The following KDM7A variants were observed in gnomAD, a reference collection of about 807,000 sequenced individuals.
KDM7A encodes the protein lysine-specific demethylase 7A.
In KDM7A, 28 loss-of-function variants were observed where a neutral mutation model predicts 114.8. The ratio of observed to expected loss-of-function variants is 0.24; its 90% CI spans 0.18 to 0.33. The LOEUF (loss-of-function observed/expected upper bound fraction) is 0.33. KDM7A is among the 10% of genes least tolerant of loss of function. The pLI is 1.00. For missense variants in KDM7A, 942 were observed against 1,142.5 expected (o/e 0.82, Z 2.53); for synonymous variants, 423 against 397.8 (o/e 1.06, Z -0.75).
At chr7:140,174,008 A>T (rs544737741) in intron 1 of KDM7A, among the ~76,000 whole-genome samples, 1 of 152,194 alleles carries the variant, frequency 6.6e-6, no homozygotes, top group South Asian at 2.1e-4. Flanking sequence ...TACTAAAAAT[A>T]CAAAAATTAG....
At chr7:140,109,753 A>ATG (rs1455172399) in intron 11 of KDM7A, among the ~76,000 whole-genome samples, 2 of 152,232 alleles carry the variant, frequency 1.3e-5, no homozygotes, top group Non-Finnish European at 2.9e-5. Flanking sequence ...AAACATGCAC[A>ATG]TACCTCCCTT....
At chr7:140,103,922 C>T (rs1156761789) in intron 11 of KDM7A, among the ~76,000 whole-genome samples, 1 of 152,214 alleles carries the variant, frequency 6.6e-6, no homozygotes, top group African/African-American at 2.4e-5. Context: ...TTTACAGTCA[C>T]AACAACAGTG....
intron 7 of KDM7A, among the ~76,000 whole-genome samples, chr7:140,122,794 T>A (rs1338291798): frequency 6.6e-6 from 1 of 152,242 alleles, no homozygotes; most frequent in Non-Finnish European, 1.5e-5. Flanking sequence ...CTGTCCTAAC[T>A]GTCCTGGGAC....
intron 10 of KDM7A, among the ~76,000 whole-genome samples, chr7:140,112,473 T>C (rs1818448786): frequency 6.6e-6 from 1 of 151,900 alleles, no homozygotes; most frequent in South Asian, 2.1e-4. Context: ...TAACTAGGCG[T>C]GGTGGTGCGT....
In KDM7A at chr7:140,115,316, C is replaced by T. The variant is rs549213563; in HGVS notation, c.1247-1734G>A. Among the ~76,000 whole-genome samples the T allele has an allele frequency of 4.3e-3, 653 of 152,310 alleles. 8 individuals are homozygous for T. The highest frequency in any genetic ancestry group is 0.014 in the African/African-American group (594 of 41,558). On this transcript the variant is annotated intron_variant, in intron 9 of 19. Transcript: ENST00000397560. ...GTGTAACCCAACAGCTCATTGAGATCGGGCCATGATGACAATGGCAGTTTT... is the reference window on the plus strand; with the variant it reads ...GTGTAACCCAACAGCTCATTGAGATTGGGCCATGATGACAATGGCAGTTTT...
intron 12 of KDM7A, 23 bp downstream of exon 12, chr7:140,101,928 T>C (rs768950731): frequency 1.3e-6 from 2 of 1,519,036 alleles, no homozygotes; most frequent in Non-Finnish European, 1.8e-6. Flanking sequence ...TTTCTTTTTG[T>C]TGTCATGAAA....
chr7:140,153,008 C>T (rs543118684), intron 1 of KDM7A, among the ~76,000 whole-genome samples: 138 of 151,782 alleles, frequency 9.1e-4, no homozygotes, highest in Middle Eastern at 6.9e-3. Flanking sequence ...TACAGGCACG[C>T]GCCACCACAC....
At position 140,119,125 on chromosome 7, in the gene KDM7A, C is replaced by A; in HGVS notation, c.1234G>T (p.Glu412Ter). 1.3e-6 allele frequency: 2 copies of A among 1,595,974 alleles called. No homozygotes were observed. The highest frequency in any genetic ancestry group is 8.6e-7 in the Non-Finnish European group (1 of 1,165,980). ...ICWFVAKNLLETLKELREDGF... is the reference protein window; with the variant it reads ...ICWFVAKNLL ...AATTATTAATTACCTTTCAGGGTTT[C>A]CAGCAAGTTTTTGGCTACAAACCAA... Residue 412 changes from glutamate to a stop codon, truncating the protein, a stop_gained, in exon 9 of 20, where the codon GAA becomes TAA. Transcript: ENST00000397560. LOFTEE classifies it high-confidence loss of function.
chr7:140,139,325 T>TA, intron 1 of KDM7A, 135 bp from the exon 2 acceptor site: 1 of 599,236 alleles, frequency 1.7e-6, no homozygotes, highest in Non-Finnish European at 3.0e-6. Context: ...CAGAAACACA[T>TA]ATAAAGATAA....
intron 11 of KDM7A, among the ~76,000 whole-genome samples, chr7:140,102,913 C>A (rs1374366794): frequency 6.6e-6 from 1 of 152,168 alleles, no homozygotes; most frequent in Non-Finnish European, 1.5e-5. Flanking sequence ...TCTTCCCCAT[C>A]CCTCTCATTC....
chr7:140,124,421 T>G (rs957418629), intron 7 of KDM7A, among the ~76,000 whole-genome samples, 200 bp downstream of exon 7: 2 of 152,204 alleles, frequency 1.3e-5, no homozygotes, highest in African/African-American at 4.8e-5. Context: ...GCAAATGATA[T>G]AAATACAATG....
intron 1 of KDM7A, among the ~76,000 whole-genome samples, chr7:140,168,291 C>T (rs960413917): frequency 1.3e-5 from 2 of 152,104 alleles, no homozygotes; most frequent in Admixed American, 6.6e-5. Context: ...CAAGGTCGGG[C>T]GTGGTGGCTC....
chr7:140,127,277 C>T (rs1463502470), intron 5 of KDM7A, among the ~76,000 whole-genome samples, 165 bp downstream of exon 5: 3 of 152,224 alleles, frequency 2.0e-5, no homozygotes, highest in Non-Finnish European at 2.9e-5. Flanking sequence ...TAAAATACAT[C>T]TTATTTCTAA....
intron 12 of KDM7A, among the ~76,000 whole-genome samples, chr7:140,101,199 A>G (rs1193642651): frequency 6.6e-6 from 1 of 152,090 alleles, no homozygotes; most frequent in Non-Finnish European, 1.5e-5. Flanking sequence ...GATGATGCAG[A>G]GCTCACTACA....
chr7:140,173,962 G>A (rs565310769), intron 1 of KDM7A, among the ~76,000 whole-genome samples: 40 of 152,080 alleles, frequency 2.6e-4, no homozygotes, highest in African/African-American at 8.2e-4. Flanking sequence ...TCAAGAGTTC[G>A]AAACCAGTGT....
At chr7:140,159,490 A>G (rs1306634050) in intron 1 of KDM7A, among the ~76,000 whole-genome samples, 1 of 152,238 alleles carries the variant, frequency 6.6e-6, no homozygotes, top group Non-Finnish European at 1.5e-5. Context: ...AATACACCTA[A>G]AGATAATTTC....
At chr7:140,151,857 G>T (rs563493272) in intron 1 of KDM7A, among the ~76,000 whole-genome samples, 1 of 152,178 alleles carries the variant, frequency 6.6e-6, no homozygotes, top group Non-Finnish European at 1.5e-5. Context: ...ATTTCCCATT[G>T]CAAGTACAGA....
intron 12 of KDM7A, among the ~76,000 whole-genome samples, chr7:140,100,684 A>ATG (rs1554395407): frequency 8.0e-5 from 3 of 37,548 alleles, no homozygotes; most frequent in African/African-American, 3.5e-4. Flanking sequence ...ATATATACAT[A>ATG]TATACATATA....
At chr7:140,123,093 C>G (rs1482571695) in intron 7 of KDM7A, among the ~76,000 whole-genome samples, 1 of 152,132 alleles carries the variant, frequency 6.6e-6, no homozygotes, top group African/African-American at 2.4e-5. Context: ...AAATGCCCAA[C>G]AAGAAAAATG....
Sources: gnomAD v4.1 joint callset for allele counts (sites outside exome capture counted in the v4.1 genomes callset) on GRCh38, gnomAD v4.1.1 for gene constraint, MANE v1.5 for transcripts, NCBI Gene and HGNC (gene_info 2026-07-23, HGNC 2026-07-21) for gene names.